Variants in PLXDC1 observed in about 807,000 individuals in gnomAD.
PLXDC1 encodes plexin domain-containing protein 1.
A neutral mutation model predicts 61.3 loss-of-function variants in PLXDC1; 39 were observed. That is an observed-to-expected ratio of 0.64 (90% CI 0.49 to 0.83). The LOEUF is 0.83. Ranked by LOEUF, PLXDC1 falls within the 40% of genes least tolerant of loss-of-function variation. The pLI is 0.00. For synonymous variants in PLXDC1, 212 were observed against 254.5 expected, an observed-to-expected ratio of 0.83 and a Z score of 1.59; for missense variants, 596 against 666.5, an observed-to-expected ratio of 0.89 and a Z score of 1.17.
chr17:39,130,267 A>G (rs1865940522), intron 2 of PLXDC1, among the ~76,000 whole-genome samples: 1 of 152,174 alleles, frequency 6.6e-6, no homozygotes, highest in South Asian at 2.1e-4. Flanking sequence ...ACCCTGGGCA[A>G]CTTAGTGAGA....
intron 7 of PLXDC1, among the ~76,000 whole-genome samples, chr17:39,089,886 C>T (rs1909882598): frequency 6.6e-6 from 1 of 152,104 alleles, no homozygotes. Context: ...CAACCTCTGC[C>T]TCCCAGGTTC....
At chr17:39,104,239 C>A (rs963065181) in intron 7 of PLXDC1, among the ~76,000 whole-genome samples, 1 of 152,162 alleles carries the variant, frequency 6.6e-6, no homozygotes, top group Non-Finnish European at 1.5e-5. Context: ...TCACTCTTAT[C>A]CCTATTTTAC....
Position 39,069,849 on chromosome 17 carries a change from C to G in PLXDC1, c.1383+7G>C. Reference sequence around the variant, plus strand: ...ACAGGAGCCCTGTGGCCACAGATGACACGGACCTCGATGAAGAAGAGCGCA... The same window carrying G: ...ACAGGAGCCCTGTGGCCACAGATGAGACGGACCTCGATGAAGAAGAGCGCA... On this transcript the variant is annotated splice_region_variant and intron_variant, in intron 13 of 13. Coordinates refer to ENST00000315392, the MANE Select transcript of PLXDC1 (RefSeq NM_020405.5). 2 of 1,612,612 alleles carry G rather than the reference C, an allele frequency of 1.2e-6. No individual in the cohort carries two copies. The highest frequency in any genetic ancestry group is 1.7e-6 in the Non-Finnish European group (2 of 1,178,918).
In PLXDC1 at chr17:39,139,772, C is replaced by T. The variant is rs114297422; in HGVS notation, c.137G>A (p.Arg46Gln). The change falls in exon 2 of 14, where the codon CGG becomes CAG. Residue 46 changes from arginine (R) to glutamine (Q), a missense_variant. Coordinates refer to ENST00000315392, the MANE Select transcript of PLXDC1 (RefSeq NM_020405.5). The part of the protein sequence containing the change: ...AAKGTVRGWN[R>Q]RARESPGHVS... ...ATGCCCAGGGCTCTCTCGGGCTCTC[C>T]GGTTCCAGCCCCGCACGGTCCCTTT... 8,732 of 1,613,956 alleles carry T rather than the reference C, an allele frequency of 5.4e-3. 67 individuals carry two copies. The highest frequency in any genetic ancestry group is 0.02 in the South Asian group (1,863 of 91,064).
chr17:39,107,668 C>A (rs1384824957), intron 5 of PLXDC1, 143 bp from the exon 6 acceptor site: 2 of 707,572 alleles, frequency 2.8e-6, no homozygotes, highest in Non-Finnish European at 5.2e-6. Context: ...GAGGCAGGAG[C>A]TGGGCAGCTC....
chr17:39,106,005 C>T, intron 6 of PLXDC1, 52 bp from the exon 7 acceptor site: 1 of 1,211,444 alleles, frequency 8.3e-7, no homozygotes, highest in Non-Finnish European at 1.2e-6. Flanking sequence ...CTGGGGCCCA[C>T]CCAGCCCTCC....
chr17:39,087,268 C>T (rs1909776856), intron 8 of PLXDC1, among the ~76,000 whole-genome samples: 1 of 152,208 alleles, frequency 6.6e-6, no homozygotes, highest in Non-Finnish European at 1.5e-5. Flanking sequence ...TCTGGGGGCT[C>T]AGTCTAGGCG....
chr17:39,147,284 T>A (rs2045348660), intron 1 of PLXDC1, among the ~76,000 whole-genome samples: 1 of 152,036 alleles, frequency 6.6e-6, no homozygotes, highest in Non-Finnish European at 1.5e-5. Context: ...GAGAATGCAG[T>A]TTCTTTATTT....
chr17:39,092,551 C>T (rs544695205), intron 7 of PLXDC1, among the ~76,000 whole-genome samples: 4 of 152,366 alleles, frequency 2.6e-5, no homozygotes, highest in Non-Finnish European at 4.4e-5. Flanking sequence ...TCTGTTAGCT[C>T]GCAGCCTTGC....
rs142818305 is a variant in PLXDC1, at chr17:39,114,076, A to C, written c.256-4685T>G. 5.9e-3 allele frequency among the ~76,000 whole-genome samples: 902 copies of C among 152,234 alleles called. 7 individuals are homozygous for C. Among genetic ancestry groups the C allele is most frequent in the African/African-American group, 0.021 (871 of 41,536 alleles). On this transcript the variant is annotated intron_variant, in intron 2 of 13. Transcript: ENST00000315392. ...ATGCAGACATGATGGCTGGAGTTCC[A>C]ACAGCCATCTTGTGAGTATAAGGAC...
chr17:39,079,642 A>C (rs2061863063), intron 9 of PLXDC1: 1 of 438,644 alleles, frequency 2.3e-6, no homozygotes, highest in South Asian at 1.6e-5. Context: ...AGGCTGGGAG[A>C]CAACTGGCTG....
intron 11 of PLXDC1, among the ~76,000 whole-genome samples, chr17:39,076,091 G>GAAAAAAAAAAAAAAA (rs113083788): frequency 2.1e-4 from 19 of 88,520 alleles, no homozygotes; most frequent in Middle Eastern, 6.2e-3. Context: ...AAAAAAAAAA[G>GAAAAAAAAAAAAAAA]AAAAAAAAAA....
chr17:39,145,890 G>A (rs1024031898), intron 1 of PLXDC1, among the ~76,000 whole-genome samples: 2 of 152,026 alleles, frequency 1.3e-5, no homozygotes, highest in South Asian at 2.1e-4. Flanking sequence ...CATAAACTTG[G>A]TAGGTTTGAC....
chr17:39,063,551 G>A lies in PLXDC1; in HGVS notation c.*4289C>T, dbSNP rs536463198. Reference sequence around the variant, plus strand: ...TCAGCAGCCATCAGAACCAAGGTATGTGTGGTGATCTTCGGAATGCCACTC... The same window carrying A: ...TCAGCAGCCATCAGAACCAAGGTATATGTGGTGATCTTCGGAATGCCACTC... On this transcript the variant is annotated 3_prime_UTR_variant, in exon 14 of 14. Transcript: ENST00000315392. 4.9e-5 allele frequency: 34 copies of A among 698,796 alleles called. No individual in the cohort carries two copies. The South Asian group carries it at 5.1e-4, about 10-fold the overall frequency. 43.3% of individuals were successfully genotyped at this position (698,796 alleles called of 1,614,324 possible). A position where few individuals can be genotyped will look rare whatever the true frequency, so the allele number is the denominator to read the frequency against.
At chr17:39,109,175 A>G in intron 3 of PLXDC1, 73 bp downstream of exon 3, 2 of 1,536,898 alleles carry the variant, frequency 1.3e-6, no homozygotes, top group Non-Finnish European at 1.8e-6. Flanking sequence ...AGCCATGCCC[A>G]CTGACCAGGC....
intron 1 of PLXDC1, among the ~76,000 whole-genome samples, chr17:39,145,154 G>A (rs1006990550): frequency 6.6e-6 from 1 of 152,118 alleles, no homozygotes. Context: ...CAGGGTGCAG[G>A]GGCAGCCCCG....
intron 9 of PLXDC1, chr17:39,079,467 C>T (rs77715135): frequency 0.012 from 6,012 of 499,172 alleles, 193 homozygotes; most frequent in East Asian, 0.094. Context: ...TCTGAGCTGC[C>T]GTGACACTGC....
intron 3 of PLXDC1, 46 bp downstream of exon 3, chr17:39,109,202 C>T (rs188288273): frequency 6.9e-5 from 108 of 1,573,786 alleles, no homozygotes; most frequent in African/African-American, 2.8e-4. Context: ...GTTTGGCCCC[C>T]GGCCTCCCAG....
At chr17:39,099,323 C>A (rs891043548) in intron 7 of PLXDC1, among the ~76,000 whole-genome samples, 1 of 152,176 alleles carries the variant, frequency 6.6e-6, no homozygotes, top group Admixed American at 6.5e-5. Flanking sequence ...TACCGGGGAT[C>A]TGACCCCCTC....
Sources: allele counts gnomAD v4.1 joint callset (sites outside exome capture counted in the v4.1 genomes callset), GRCh38; gene constraint gnomAD v4.1.1; transcripts MANE v1.5; gene names NCBI Gene and HGNC (gene_info 2026-07-23, HGNC 2026-07-21).